CDC42BPA: variants seen among roughly 807,000 people sequenced by gnomAD.
CDC42BPA encodes serine/threonine-protein kinase MRCK alpha.
In CDC42BPA, 80 loss-of-function variants were observed where a neutral mutation model predicts 223.5. The observed-to-expected ratio is 0.36, with a 90% CI of 0.30 to 0.43. CDC42BPA has a LOEUF of 0.43. Ranked by LOEUF, CDC42BPA falls within the 20% of genes least tolerant of loss-of-function variation. The probability of loss-of-function intolerance (pLI) is 1.00; values close to 1 mark genes in which losing one functional copy is unlikely to be tolerated. For synonymous variants in CDC42BPA, 694 were observed against 718.6 expected (o/e 0.97, Z 0.55); for missense variants, 1,743 against 2,099.9 (o/e 0.83, Z 3.32).
chr1:227,249,594 T>C (rs1021105146), intron 2 of CDC42BPA, among the ~76,000 whole-genome samples: 2 of 152,140 alleles, frequency 1.3e-5, no homozygotes, highest in African/African-American at 4.8e-5. Flanking sequence ...CAAACAACTC[T>C]ATAGGAAACA....
At chr1:227,245,388 T>C (rs565383358) in intron 2 of CDC42BPA, among the ~76,000 whole-genome samples, 10 of 148,424 alleles carry the variant, frequency 6.7e-5, no homozygotes, top group Non-Finnish European at 1.5e-4. Flanking sequence ...CCTCCCAAGT[T>C]CAAGCAATTC....
At chr1:227,256,907 C>G (rs1011132128) in intron 1 of CDC42BPA, among the ~76,000 whole-genome samples, 1 of 139,172 alleles carries the variant, frequency 7.2e-6, no homozygotes, top group African/African-American at 2.8e-5. Flanking sequence ...AAATGTCCAT[C>G]AAGAGATGAA....
intron 1 of CDC42BPA, among the ~76,000 whole-genome samples, chr1:227,315,955 C>CAAAAAAAAAAAAAAAAAAAAAAAA (rs71180728): frequency 2.7e-5 from 3 of 110,966 alleles, no homozygotes; most frequent in Non-Finnish European, 5.5e-5. Flanking sequence ...ATTTCAAATC[C>CAAAAAAAAAAAAAAAAAAAAAAAA]AAAAAAAAAA....
intron 14 of CDC42BPA, 69 bp from the exon 15 acceptor site, chr1:227,101,308 G>T: frequency 1.0e-6 from 1 of 987,032 alleles, no homozygotes; most frequent in Non-Finnish European, 1.4e-6. Flanking sequence ...ACTTCTTTCT[G>T]TAATATAAAT....
At chr1:227,057,018 A>G (rs753545185) in intron 21 of CDC42BPA, among the ~76,000 whole-genome samples, 2 of 152,194 alleles carry the variant, frequency 1.3e-5, no homozygotes, top group Non-Finnish European at 2.9e-5. Context: ...TTTTCAATAT[A>G]CTGATTGGAA....
At chr1:227,244,689 A>G (rs930250880) in intron 2 of CDC42BPA, among the ~76,000 whole-genome samples, 4 of 152,262 alleles carry the variant, frequency 2.6e-5, no homozygotes, top group African/African-American at 9.6e-5. Flanking sequence ...AACTATCTGC[A>G]AAGAGAAAAG....
chr1:227,231,878 A>G (rs201725794), intron 2 of CDC42BPA, among the ~76,000 whole-genome samples: 1 of 140,642 alleles, frequency 7.1e-6, no homozygotes, highest in Admixed American at 7.2e-5. Flanking sequence ...TAGATTCTGG[A>G]TATTAGCCCT....
intron 1 of CDC42BPA, among the ~76,000 whole-genome samples, chr1:227,297,967 T>TATATATATATACACACAC (rs369403944): frequency 1.1e-4 from 15 of 132,080 alleles, no homozygotes; most frequent in African/African-American, 4.1e-4. Context: ...TATATACATA[T>TATATATATATACACACAC]ACACACACAC....
intron 5 of CDC42BPA, among the ~76,000 whole-genome samples, chr1:227,173,819 A>G (rs768597653): frequency 3.9e-5 from 6 of 152,124 alleles, no homozygotes; most frequent in Non-Finnish European, 8.8e-5. Context: ...ACAACTGTTA[A>G]GTATAACAGC....
intron 3 of CDC42BPA, among the ~76,000 whole-genome samples, chr1:227,211,356 G>A (rs951589762): frequency 6.6e-6 from 1 of 151,874 alleles, no homozygotes; most frequent in African/African-American, 2.4e-5. Flanking sequence ...ACAGTACGTC[G>A]ATTTCTCAGA....
intron 2 of CDC42BPA, among the ~76,000 whole-genome samples, chr1:227,250,354 AG>A (rs1681755089): frequency 6.6e-6 from 1 of 151,936 alleles, no homozygotes; most frequent in Non-Finnish European, 1.5e-5. Context: ...CAGGCATGGT[AG>A]TGGGCACTTG....
chr1:227,030,224 C>T (rs1278178831), intron 29 of CDC42BPA, among the ~76,000 whole-genome samples, 184 bp downstream of exon 29: 1 of 151,558 alleles, frequency 6.6e-6, no homozygotes, highest in African/African-American at 2.4e-5. Context: ...AAGTTTTAAA[C>T]CTCAGGGGGA....
chr1:227,100,376 C>T (rs1684795303), intron 15 of CDC42BPA, among the ~76,000 whole-genome samples: 1 of 152,122 alleles, frequency 6.6e-6, no homozygotes, highest in Admixed American at 6.6e-5. Context: ...GGATAATGTG[C>T]AAATGCCTTG....
intron 1 of CDC42BPA, among the ~76,000 whole-genome samples, chr1:227,281,328 C>G (rs774046322): frequency 6.6e-6 from 1 of 151,314 alleles, no homozygotes; most frequent in Non-Finnish European, 1.5e-5. Flanking sequence ...TTTTTTCCCC[C>G]ACTCTCACCC....
At chr1:227,268,028 G>C (rs1006310757) in intron 1 of CDC42BPA, among the ~76,000 whole-genome samples, 16 of 152,130 alleles carry the variant, frequency 1.1e-4, no homozygotes, top group African/African-American at 3.6e-4. Context: ...ACTTAATCAA[G>C]TATTTTAAAA....
chr1:227,069,238 A>C (rs534627039), intron 21 of CDC42BPA: 1 of 152,262 alleles, frequency 6.6e-6, no homozygotes, highest in South Asian at 2.1e-4. Flanking sequence ...TGATTTTTTT[A>C]AAGCAAAGAA....
chr1:227,034,870 C>A, intron 25 of CDC42BPA, 76 bp from the exon 26 acceptor site: 28 of 1,296,592 alleles, frequency 2.2e-5, no homozygotes, highest in Non-Finnish European at 2.9e-5. Context: ...TATGTAATTG[C>A]ATGGTGAAGA....
intron 19 of CDC42BPA, among the ~76,000 whole-genome samples, chr1:227,073,007 T>C (rs981500103): frequency 1.3e-5 from 2 of 152,122 alleles, no homozygotes; most frequent in Non-Finnish European, 2.9e-5. Context: ...CAAAAGTTTA[T>C]AATCCAACAG....
intron 24 of CDC42BPA, among the ~76,000 whole-genome samples, chr1:227,037,667 G>A (rs575234743): frequency 8.4e-4 from 128 of 152,298 alleles, no homozygotes; most frequent in Middle Eastern, 3.4e-3. Flanking sequence ...TCTAACAGCA[G>A]AAGAGACAGG....
Sources: allele counts gnomAD v4.1 joint callset (sites outside exome capture counted in the v4.1 genomes callset), GRCh38; gene constraint gnomAD v4.1.1; transcripts MANE v1.5; gene names NCBI Gene and HGNC (gene_info 2026-07-23, HGNC 2026-07-21).